The following TEN1 variants were observed in gnomAD, a reference collection of about 807,000 sequenced individuals.
The protein encoded by TEN1 is CST complex subunit TEN1.
Under a neutral mutation model 9.3 loss-of-function variants are expected in TEN1, and 6 were observed. That is an observed-to-expected ratio of 0.65 (90% CI 0.35 to 1.27). The LOEUF (loss-of-function observed/expected upper bound fraction) is 1.27. TEN1 is among the 50% of genes most tolerant of loss of function. The pLI, the probability that TEN1 is intolerant of heterozygous loss-of-function variation, is 0.03. For synonymous variants in TEN1, 65 were observed against 65.6 expected, an observed-to-expected ratio of 0.99 and a Z score of 0.04; for missense variants, 149 against 158.2, an observed-to-expected ratio of 0.94 and a Z score of 0.31.
chr17:75,986,708 T>A (rs1014533489), intron 2 of TEN1, among the ~76,000 whole-genome samples: 5 of 150,692 alleles, frequency 3.3e-5, no homozygotes, highest in African/African-American at 9.7e-5. Flanking sequence ...TCTCAAAAAA[T>A]AATAATAATA....
intron 3 of TEN1, among the ~76,000 whole-genome samples, chr17:75,997,495 C>T (rs1252766681): frequency 1.3e-5 from 2 of 151,842 alleles, no homozygotes; most frequent in African/African-American, 4.8e-5. Context: ...CTTCCTCCTA[C>T]CATCAGACAC....
intron 1 of TEN1, among the ~76,000 whole-genome samples, chr17:75,979,834 G>A (rs2066102659): frequency 6.6e-6 from 1 of 151,526 alleles, no homozygotes; most frequent in African/African-American, 2.4e-5. Context: ...CGTGGGTTCC[G>A]GGGCCCTGGG....
intron 1 of TEN1, among the ~76,000 whole-genome samples, chr17:75,980,742 A>C (rs576599613): frequency 1.1e-4 from 17 of 152,266 alleles, no homozygotes; most frequent in Non-Finnish European, 1.8e-4. Flanking sequence ...TCTGTGTAAT[A>C]CTATGACTTT....
chr17:75,994,772 G>A (rs1043883988), intron 3 of TEN1, among the ~76,000 whole-genome samples: 3 of 152,014 alleles, frequency 2.0e-5, no homozygotes, highest in Admixed American at 6.6e-5. Context: ...CACCGCGCCC[G>A]GCCTGTCTTG....
intron 1 of TEN1, among the ~76,000 whole-genome samples, chr17:75,982,397 C>G (rs1469705994): frequency 1.3e-5 from 2 of 152,160 alleles, no homozygotes; most frequent in Admixed American, 6.6e-5. Context: ...ATTACTCTGC[C>G]TTTTGTAAGT....
intron 2 of TEN1, among the ~76,000 whole-genome samples, chr17:75,989,556 C>T (rs768547514): frequency 6.6e-6 from 1 of 151,496 alleles, no homozygotes; most frequent in East Asian, 1.9e-4. Context: ...GGATTACAGG[C>T]GTGCCCCACC....
intron 3 of TEN1, among the ~76,000 whole-genome samples, chr17:75,993,773 G>C (rs1038826853): frequency 2.0e-5 from 3 of 152,022 alleles, no homozygotes; most frequent in Non-Finnish European, 4.4e-5. Flanking sequence ...GAGGCGGGCG[G>C]ATCTCGAGGT....
Position 75,996,306 on chromosome 17 carries a change from T to A in TEN1, c.251-3835T>A, listed in dbSNP as rs374722180. Among the ~76,000 whole-genome samples the A allele has an allele frequency of 4.4e-4, 67 of 151,932 alleles. No individual in the cohort carries two copies. In the East Asian group the frequency reaches 5.9e-3, roughly 13 times the overall value. On this transcript the variant is annotated intron_variant, in intron 3 of 3. Coordinates refer to ENST00000397640, the MANE Select transcript of TEN1 (RefSeq NM_001113324.3). ...TTCGAGACCGGCCTGACCAACATGG[T>A]GAAACCCTGTCTCTACAAAAAATAC...
At chr17:75,997,356 C>G (rs1367391517) in intron 3 of TEN1, among the ~76,000 whole-genome samples, 1 of 152,080 alleles carries the variant, frequency 6.6e-6, no homozygotes, top group African/African-American at 2.4e-5. Flanking sequence ...GCCACACCCC[C>G]CTCCCCGGCG....
intron 1 of TEN1, among the ~76,000 whole-genome samples, chr17:75,981,163 G>T (rs368554974): frequency 1.3e-5 from 2 of 151,898 alleles, no homozygotes; most frequent in South Asian, 4.2e-4. Flanking sequence ...ATAGAACAAA[G>T]AACTTTTCTT....
At chr17:75,983,058 A>G (rs1014217474) in intron 1 of TEN1, among the ~76,000 whole-genome samples, 24 of 151,628 alleles carry the variant, frequency 1.6e-4, no homozygotes, top group Non-Finnish European at 3.4e-4. Context: ...AGGTGGGTGG[A>G]TCACCTGAGG....
At chr17:75,985,406 C>T (rs1426312823) in intron 1 of TEN1, among the ~76,000 whole-genome samples, 3 of 151,960 alleles carry the variant, frequency 2.0e-5, no homozygotes, top group Non-Finnish European at 4.4e-5. Flanking sequence ...GCTTGGCCTC[C>T]GAAAGAGCTG....
At chr17:75,991,149 C>CAA (rs71361699) in intron 2 of TEN1, among the ~76,000 whole-genome samples, 8,126 of 69,890 alleles carry the variant, frequency 0.12, 1,223 homozygotes, top group African/African-American at 0.33. Flanking sequence ...GACTCCATCT[C>CAA]AAAAAAAAAA....
At chr17:75,988,561 CAAAAAAA>C (rs1189354019) in intron 2 of TEN1, among the ~76,000 whole-genome samples, 219 of 28,978 alleles carry the variant, frequency 7.6e-3, no homozygotes, top group South Asian at 0.074. Context: ...GATCCTGCCT[CAAAAAAA>C]AAAAAAAAAA....
chr17:75,986,225 C>T lies in TEN1; in HGVS notation c.33C>T (p.Leu11=), dbSNP rs2066151243. 4 of 1,550,048 alleles carry T rather than the reference C, an allele frequency of 2.6e-6. No individual in the cohort carries two copies. Among genetic ancestry groups the T allele is most frequent in the Non-Finnish European group, 3.5e-6 (4 of 1,146,232 alleles). Residue 11 remains leucine, a synonymous_variant, in exon 2 of 4, where the codon CTC becomes CTT. Coordinates refer to ENST00000397640, the MANE Select transcript of TEN1 (RefSeq NM_001113324.3). ...TGCCCAAACCTGGGACCTATTACCTCCCCTGGGAGGTTAGTGCAGGCCAAG... is the reference window on the plus strand; with the variant it reads ...TGCCCAAACCTGGGACCTATTACCTTCCCTGGGAGGTTAGTGCAGGCCAAG... MMLPKPGTYY[L]PWEVSAGQVP... is the part of the protein sequence containing the mutation.
intron 2 of TEN1, among the ~76,000 whole-genome samples, chr17:75,989,032 A>G (rs904009605): frequency 6.6e-6 from 1 of 151,968 alleles, no homozygotes; most frequent in Non-Finnish European, 1.5e-5. Flanking sequence ...CGGCCCCCCA[A>G]AGTGCTGGGA....
At chr17:75,989,767 T>C (rs1387626990) in intron 2 of TEN1, among the ~76,000 whole-genome samples, 1 of 151,406 alleles carries the variant, frequency 6.6e-6, no homozygotes, top group Non-Finnish European at 1.5e-5. Flanking sequence ...GCATAGTCCT[T>C]TCAACAAGTG....
chr17:75,992,991 T>C (rs1051829960), intron 3 of TEN1, among the ~76,000 whole-genome samples: 1 of 150,274 alleles, frequency 6.7e-6, no homozygotes, highest in Non-Finnish European at 1.5e-5. Context: ...AGACAGAGTC[T>C]TGGTCTGCTG....
intron 1 of TEN1, among the ~76,000 whole-genome samples, chr17:75,982,683 C>G (rs1019683829): frequency 1.3e-5 from 2 of 151,938 alleles, no homozygotes; most frequent in Non-Finnish European, 2.9e-5. Flanking sequence ...CTCTTAGGCT[C>G]AAGCATTGAT....
Sources: allele counts gnomAD v4.1 joint callset (sites outside exome capture counted in the v4.1 genomes callset), GRCh38; gene constraint gnomAD v4.1.1; transcripts MANE v1.5; gene names NCBI Gene and HGNC (gene_info 2026-07-23, HGNC 2026-07-21).